The following NAV2 variants were observed in gnomAD, a reference collection of about 807,000 sequenced individuals.
NAV2 encodes the protein neuron navigator 2, also known as helicase, APC down-regulated 1.
In NAV2, 54 loss-of-function variants were observed where a neutral mutation model predicts 223.2. The observed-to-expected ratio is 0.24, with a 90% CI of 0.19 to 0.30. NAV2 has a LOEUF of 0.30. NAV2 is among the 10% of genes least tolerant of loss of function. The probability of loss-of-function intolerance (pLI) is 1.00; values close to 1 mark genes in which losing one functional copy is unlikely to be tolerated. For missense variants in NAV2, 2,806 were observed against 3,147.5 expected (o/e 0.89, Z 2.60); for synonymous variants, 1,279 against 1,239.3 (o/e 1.03, Z -0.67).
intron 1 of NAV2, among the ~76,000 whole-genome samples, chr11:19,653,780 G>A (rs186545232): frequency 3.3e-5 from 5 of 152,306 alleles, no homozygotes; most frequent in Admixed American, 1.3e-4. Flanking sequence ...GGAACACAAA[G>A]CTTAGAGAGC....
chr11:20,019,522 G>A (rs2054309111), intron 11 of NAV2, among the ~76,000 whole-genome samples: 1 of 152,146 alleles, frequency 6.6e-6, no homozygotes, highest in African/African-American at 2.4e-5. Context: ...CCTTCACCTA[G>A]TATTTGAAGC....
At chr11:19,572,289 G>A (rs1001196545) in intron 1 of NAV2, among the ~76,000 whole-genome samples, 1 of 152,202 alleles carries the variant, frequency 6.6e-6, no homozygotes, top group Non-Finnish European at 1.5e-5. Context: ...ACTGGAAGAG[G>A]CCTTAAAGCC....
chr11:19,777,629 T>C (rs1292277225), intron 1 of NAV2: 2 of 430,406 alleles, frequency 4.6e-6, no homozygotes, highest in African/African-American at 4.1e-5. Flanking sequence ...GCCCCTGAAA[T>C]GCATTCCGCA....
At chr11:19,465,198 T>C (rs1852307559) in intron 1 of NAV2, among the ~76,000 whole-genome samples, 1 of 151,978 alleles carries the variant, frequency 6.6e-6, no homozygotes, top group Non-Finnish European at 1.5e-5. Context: ...GCACTGGGAG[T>C]GTCATTGCTC....
Position 20,084,604 on chromosome 11 carries a change from G to T in NAV2, c.5498+1425G>T, listed in dbSNP as rs146943401. ...AAGGACACTGAGGGACTGGACTTCG[G>T]TTTGGCCCTGCAGTGCCCAGCCCAG... On this transcript the variant is annotated intron_variant, in intron 26 of 37. Transcript: ENST00000349880. 6.0e-3 allele frequency among the ~76,000 whole-genome samples: 912 copies of T among 152,314 alleles called. 8 individuals are homozygous for T. The highest frequency in any genetic ancestry group is 0.021 in the African/African-American group (869 of 41,558).
At chr11:19,632,853 T>G (rs2135504485) in intron 1 of NAV2, among the ~76,000 whole-genome samples, 1 of 152,354 alleles carries the variant, frequency 6.6e-6, no homozygotes, top group African/African-American at 2.4e-5. Flanking sequence ...AGCTTTTATG[T>G]GCAAGGCACT....
At chr11:19,627,926 A>AAAAG in intron 1 of NAV2, among the ~76,000 whole-genome samples, 1 of 139,930 alleles carries the variant, frequency 7.1e-6, no homozygotes, top group African/African-American at 2.8e-5. Flanking sequence ...AAAAAAAAAA[A>AAAAG]AAGAAGAAGA....
intron 3 of NAV2, among the ~76,000 whole-genome samples, chr11:19,847,020 G>A (rs1339193607): frequency 2.6e-5 from 4 of 152,168 alleles, no homozygotes; most frequent in African/African-American, 9.7e-5. Context: ...GTTTGCGTGT[G>A]TGCGTCAGAG....
intron 4 of NAV2, among the ~76,000 whole-genome samples, chr11:19,878,782 A>G (rs1023361880): frequency 2.0e-5 from 3 of 152,138 alleles, no homozygotes; most frequent in Non-Finnish European, 4.4e-5. Context: ...CTCCATTCAT[A>G]CTTTCTGCCC....
intron 1 of NAV2, among the ~76,000 whole-genome samples, chr11:19,800,785 A>G (rs538666063): frequency 3.3e-5 from 5 of 151,964 alleles, no homozygotes; most frequent in African/African-American, 1.2e-4. Context: ...TTACACCATG[A>G]TTAAAATGTG....
intron 1 of NAV2, among the ~76,000 whole-genome samples, chr11:19,564,829 G>A (rs979446063): frequency 7.9e-5 from 12 of 152,230 alleles, no homozygotes; most frequent in Non-Finnish European, 1.2e-4. Context: ...CAGCCAATGA[G>A]CAGCAAAAGT....
At position 20,103,660 on chromosome 11, in the gene NAV2, A is replaced by G. The variant is rs1336405986; in HGVS notation, c.6580A>G (p.Ile2194Val). 6.2e-6 allele frequency: 10 copies of G among 1,614,068 alleles called. No homozygotes were observed. Among genetic ancestry groups the G allele is most frequent in the South Asian group, 5.5e-5 (5 of 91,080 alleles). The change falls in exon 34 of 38, where the codon ATA becomes GTA. Residue 2194 changes from isoleucine (I) to valine (V), a missense_variant. Physicochemically the swap from Ile to Val is conservative, Grantham distance 29. Around this residue, in one of 4 missense-constraint regions of NAV2, gnomAD observed 824 missense variants for 1,069.4 expected, o/e 0.77. Transcript: ENST00000349880. ...LNCKYHKCPY[I>V]IGTMNQATSS... is the part of the protein sequence containing the mutation. ...CCTTTATTTTATCCGCAGCCCTTAC[A>G]TAATTGGCACAATGAACCAGGCTAC... is the stretch of plus-strand genomic sequence containing the variant.
chr11:19,594,411 G>T (rs1053245353), intron 1 of NAV2, among the ~76,000 whole-genome samples: 1 of 150,968 alleles, frequency 6.6e-6, no homozygotes, highest in African/African-American at 2.4e-5. Flanking sequence ...GTAGCTGGCT[G>T]GTTTCTACTT....
intron 1 of NAV2, among the ~76,000 whole-genome samples, chr11:19,761,990 C>T (rs1454986338): frequency 6.6e-6 from 1 of 152,228 alleles, no homozygotes; most frequent in Non-Finnish European, 1.5e-5. Context: ...CGCCTGTAAT[C>T]CCAACACTTT....
chr11:19,643,291 T>C (rs1470892633), intron 1 of NAV2, among the ~76,000 whole-genome samples: 1 of 151,578 alleles, frequency 6.6e-6, no homozygotes, highest in Non-Finnish European at 1.5e-5. Context: ...ATTAGACATA[T>C]CTCCTAATGC....
At chr11:19,654,128 A>G (rs2048049660) in intron 1 of NAV2, among the ~76,000 whole-genome samples, 1 of 152,166 alleles carries the variant, frequency 6.6e-6, no homozygotes, top group African/African-American at 2.4e-5. Context: ...TCATGAGTGA[A>G]CTCCCATTCA....
intron 1 of NAV2, among the ~76,000 whole-genome samples, chr11:19,574,934 T>C (rs1426765245): frequency 6.6e-6 from 1 of 151,384 alleles, no homozygotes; most frequent in Non-Finnish European, 1.5e-5. Context: ...GGCGAAGGGG[T>C]TTCCTGCCGA....
intron 1 of NAV2, among the ~76,000 whole-genome samples, chr11:19,479,402 C>A (rs768077903): frequency 1.3e-5 from 2 of 152,116 alleles, no homozygotes; most frequent in Non-Finnish European, 2.9e-5. Flanking sequence ...AATAAGCTGT[C>A]ATCGGCAACC....
chr11:19,357,355 C>T (rs1853678179), intron 1 of NAV2, among the ~76,000 whole-genome samples: 1 of 152,164 alleles, frequency 6.6e-6, no homozygotes, highest in Non-Finnish European at 1.5e-5. Flanking sequence ...TTGTTAATCA[C>T]ATAACTTTGA....
Sources: gnomAD v4.1 joint callset for allele counts (sites outside exome capture counted in the v4.1 genomes callset) on GRCh38, gnomAD v4.1.1 for gene constraint, gnomAD v4.1.1 regional missense constraint, MANE v1.5 for transcripts, NCBI Gene and HGNC (gene_info 2026-07-23, HGNC 2026-07-21) for gene names.